Variants in KCNK9 observed in about 807,000 individuals in gnomAD.
KCNK9 encodes potassium two pore domain channel subfamily K member 9.
Under a neutral mutation model 10.8 loss-of-function variants are expected in KCNK9, and 1 was observed. The observed-to-expected ratio is 0.09, with a 90% CI of 0.03 to 0.44. The LOEUF is 0.44. KCNK9 is among the 20% of genes least tolerant of loss of function. The pLI, the probability that KCNK9 is intolerant of heterozygous loss-of-function variation, is 0.97. For synonymous variants in KCNK9, 231 were observed against 222.7 expected (o/e 1.04, Z -0.33); for missense variants, 303 against 515.0 (o/e 0.59, Z 3.98).
chr8:139,656,523 G>C (rs1448811736), intron 1 of KCNK9, among the ~76,000 whole-genome samples: 1 of 152,210 alleles, frequency 6.6e-6, no homozygotes. Flanking sequence ...AGACAGATGA[G>C]TGAGCAGCTG....
At chr8:139,654,769 G>A (rs1365296216) in intron 1 of KCNK9, among the ~76,000 whole-genome samples, 6 of 152,212 alleles carry the variant, frequency 3.9e-5, no homozygotes, top group Admixed American at 1.3e-4. Flanking sequence ...GCAGATCAGC[G>A]GCTTGTTCAC....
chr8:139,668,256 T>C (rs1816345744), intron 1 of KCNK9, among the ~76,000 whole-genome samples: 1 of 152,162 alleles, frequency 6.6e-6, no homozygotes, highest in Non-Finnish European at 1.5e-5. Flanking sequence ...GATGATGAAG[T>C]GATCTGTACA....
chr8:139,643,113 C>T (rs753133151), intron 1 of KCNK9, among the ~76,000 whole-genome samples: 6 of 152,176 alleles, frequency 3.9e-5, no homozygotes, highest in East Asian at 1.9e-4. Context: ...CTGCAAAGGA[C>T]GTGGGCTTCC....
At chr8:139,632,906 A>G in intron 1 of KCNK9, among the ~76,000 whole-genome samples, 1 of 152,212 alleles carries the variant, frequency 6.6e-6, no homozygotes, top group East Asian at 1.9e-4. Flanking sequence ...CTGTACAAGC[A>G]CAGAAGTTGA....
downstream of KCNK9, among the ~76,000 whole-genome samples, chr8:139,614,402 C>G (rs914470972): frequency 1.3e-5 from 2 of 152,158 alleles, no homozygotes; most frequent in African/African-American, 4.8e-5. Context: ...ATGATGGACC[C>G]CAGTGGGAAT....
In KCNK9 at chr8:139,618,318, A is replaced by C; in HGVS notation, c.1065T>G (p.Ser355=). 6.2e-7 allele frequency: 1 copy of C among 1,614,096 alleles called. No homozygotes were observed. The highest frequency in any genetic ancestry group is 1.6e-4 in the Middle Eastern group (1 of 6,062). Residue 355 remains serine, a synonymous_variant, in exon 2 of 2, where the codon TCT becomes TCG. Transcript: ENST00000520439. This position sits in a 1 kb window ranked among gnomAD's most constrained non-coding sequence, Gnocchi z 7.9. The part of the protein sequence containing the change: ...SLFPSPISSI[S]PGLHSFTDHQ... ...GGTCGGTAAAGCTGTGTAACCCAGG[A>C]GAGATGGAGCTAATAGGCGATGGGA...
exon 3 of KCNK9, chr8:139,601,226 C>T (rs534873105): frequency 6.6e-6 from 1 of 152,246 alleles, no homozygotes; most frequent in African/African-American, 2.4e-5. Flanking sequence ...ACTTCTCAGA[C>T]GATTTCCCCA....
chr8:139,648,235 G>A (rs113402050), intron 1 of KCNK9, among the ~76,000 whole-genome samples: 1 of 152,152 alleles, frequency 6.6e-6, no homozygotes, highest in East Asian at 1.9e-4. Context: ...GAGACAGAAA[G>A]TGGATCACTG....
intron 1 of KCNK9, among the ~76,000 whole-genome samples, chr8:139,627,743 CA>C (rs1353433038): frequency 2.6e-5 from 4 of 152,258 alleles, no homozygotes; most frequent in Middle Eastern, 3.2e-3. Context: ...TAACCCACAA[CA>C]GTTTTGTCAA....
intron 1 of KCNK9, among the ~76,000 whole-genome samples, chr8:139,656,899 G>C (rs762491018): frequency 2.0e-5 from 3 of 152,152 alleles, no homozygotes; most frequent in Non-Finnish European, 4.4e-5. Context: ...CCCAGGCCCT[G>C]CTCACCCTCC....
chr8:139,645,585 C>T (rs886933486), intron 1 of KCNK9, among the ~76,000 whole-genome samples: 3 of 152,148 alleles, frequency 2.0e-5, no homozygotes, highest in South Asian at 2.1e-4. Context: ...GAGCCTGACA[C>T]AGGGCCCAGA....
chr8:139,622,671 T>A (rs2130114858), intron 1 of KCNK9, among the ~76,000 whole-genome samples: 1 of 152,344 alleles, frequency 6.6e-6, no homozygotes, highest in East Asian at 1.9e-4. Flanking sequence ...TTATTAATCA[T>A]TCAGTGTGAG....
chr8:139,615,023 G>A (rs776396352), downstream of KCNK9, among the ~76,000 whole-genome samples: 1 of 152,222 alleles, frequency 6.6e-6, no homozygotes, highest in African/African-American at 2.4e-5. Flanking sequence ...CCACCTTGCT[G>A]AATGGGCATG....
chr8:139,634,222 G>A (rs1815264370), intron 1 of KCNK9, among the ~76,000 whole-genome samples: 1 of 152,218 alleles, frequency 6.6e-6, no homozygotes, highest in East Asian at 1.9e-4. Context: ...TGCCACTCAT[G>A]GGGAAGGTGA....
intron 1 of KCNK9, among the ~76,000 whole-genome samples, chr8:139,663,037 T>A (rs939822784): frequency 4.6e-5 from 7 of 151,972 alleles, no homozygotes; most frequent in Non-Finnish European, 1.0e-4. Flanking sequence ...AGTGCCCCAG[T>A]GCTGTTCTAA....
At chr8:139,620,459 C>T (rs553769413) in intron 1 of KCNK9, among the ~76,000 whole-genome samples, 17 of 152,244 alleles carry the variant, frequency 1.1e-4, no homozygotes, top group African/African-American at 3.4e-4. Flanking sequence ...CAGACAGCTC[C>T]GAGCCAAGAG....
intron 1 of KCNK9, among the ~76,000 whole-genome samples, chr8:139,638,728 C>G (rs889050984): frequency 6.6e-5 from 10 of 152,228 alleles, no homozygotes; most frequent in Non-Finnish European, 8.8e-5. Flanking sequence ...AAAGTCCCAG[C>G]TGGGAGAGCA....
chr8:139,654,717 T>G (rs1038864144), intron 1 of KCNK9, among the ~76,000 whole-genome samples: 2 of 152,204 alleles, frequency 1.3e-5, no homozygotes, highest in African/African-American at 2.4e-5. Context: ...ACGCATTACA[T>G]GCCACACTGG....
chr8:139,625,024 G>GCCCC (rs1170234758), intron 1 of KCNK9, among the ~76,000 whole-genome samples: 1 of 152,162 alleles, frequency 6.6e-6, no homozygotes, highest in African/African-American at 2.4e-5. Flanking sequence ...ATGTGCATCA[G>GCCCC]AGCACAATGA....
Sources: allele counts gnomAD v4.1 joint callset (sites outside exome capture counted in the v4.1 genomes callset), GRCh38; gene constraint gnomAD v4.1.1; non-coding constraint Gnocchi (gnomAD v3.1); transcripts MANE v1.5; gene names NCBI Gene and HGNC (gene_info 2026-07-23, HGNC 2026-07-21).